TRMT6: variants seen among roughly 807,000 people sequenced by gnomAD.
TRMT6 encodes the protein tRNA (adenine(58)-N(1))-methyltransferase non-catalytic subunit TRM6.
TRMT6 carries 34 observed loss-of-function variants against 59.0 expected under a neutral mutation model. The ratio of observed to expected loss-of-function variants is 0.58; its 90% CI spans 0.44 to 0.77. The LOEUF (loss-of-function observed/expected upper bound fraction) is 0.77. Ranked by LOEUF, TRMT6 falls within the 30% of genes least tolerant of loss-of-function variation. The pLI, the probability that TRMT6 is intolerant of heterozygous loss-of-function variation, is 0.00. For synonymous variants in TRMT6, 217 were observed against 210.5 expected (o/e 1.03, Z -0.27); for missense variants, 575 against 604.5 (o/e 0.95, Z 0.51).
chr20:5,945,270 T>G (rs995911666), intron 2 of TRMT6, among the ~76,000 whole-genome samples: 2 of 152,278 alleles, frequency 1.3e-5, no homozygotes, highest in African/African-American at 4.8e-5. Flanking sequence ...CTATCATTCC[T>G]GGCCTGATCT....
rs1303248160 is a variant in TRMT6, at chr20:5,942,696, C to T, written c.758G>A (p.Gly253Asp). The T allele has an allele frequency of 1.2e-6, 2 of 1,614,078 alleles. No homozygotes were observed. The highest frequency in any genetic ancestry group is 2.2e-5 in the South Asian group (2 of 91,070). Residue 253 changes from glycine (G) to aspartate (D), a missense_variant, in exon 7 of 11, where the codon GGT (glycine) becomes GAT (aspartate). Coordinates refer to ENST00000203001, the MANE Select transcript of TRMT6 (RefSeq NM_015939.5). ...TTTGTTGAGAGGGAATTCATAAAGA[C>T]CACTGAGAAAAGATTTGGGAAATCC... Reference protein sequence around the residue: ...CFGFPKSFLSGLYEFPLNKVD... With the variant: ...CFGFPKSFLSDLYEFPLNKVD...
chr20:5,946,443 A>G lies in TRMT6; in HGVS notation c.219T>C (p.Ser73=). ...CTTCCCTCTTCTTCTTGGGCTGTAG[A>G]CTTCCTCCACTGGTCACTTCAAATG... is the stretch of plus-strand genomic sequence containing the variant. ...GTAFEVTSGG[S]LQPKKKREEP... The change falls in exon 2 of 11, where the codon AGT becomes AGC. Residue 73 remains serine (S), a synonymous_variant. Transcript: ENST00000203001. The G allele has an allele frequency of 1.2e-6, 2 of 1,614,116 alleles. No homozygotes were observed. The highest frequency in any genetic ancestry group is 1.3e-5 in the African/African-American group (1 of 75,016).
rs777970557 is a variant in TRMT6, at chr20:5,946,529, C to T, written c.133G>A (p.Val45Ile). The change falls in exon 2 of 11, where the codon GTA becomes ATA. Residue 45 changes from valine (V) to isoleucine (I), a missense_variant. Transcript: ENST00000203001. ...TAGAACCACTGTTTTTCGAAAGTTA[C>T]TTTTCTAGGGAAAAAAAGTAATCAA... Reference protein sequence around the residue: ...KAVQVQRRKKVTFEKQWFYLD... With the variant: ...KAVQVQRRKKITFEKQWFYLD... 3 of 1,613,846 alleles carry T rather than the reference C, an allele frequency of 1.9e-6. No homozygotes were observed. The South Asian group carries it at 3.3e-5, about 18-fold the overall frequency.
intron 1 of TRMT6, among the ~76,000 whole-genome samples, chr20:5,947,659 C>T (rs958518127): frequency 6.6e-6 from 1 of 152,220 alleles, no homozygotes; most frequent in Admixed American, 6.5e-5. Context: ...ATGTAACAGA[C>T]ACTCAAAATA....
intron 10 of TRMT6, 85 bp downstream of exon 10, chr20:5,940,968 C>G: frequency 1.9e-6 from 2 of 1,079,562 alleles, no homozygotes; most frequent in Admixed American, 3.5e-5. Flanking sequence ...GCTGAGATAA[C>G]TCTATTTAAT....
chr20:5,942,071 G>A, intron 7 of TRMT6, 35 bp from the exon 8 acceptor site: 1 of 1,549,116 alleles, frequency 6.5e-7, no homozygotes, highest in South Asian at 1.1e-5. Context: ...AATGTACTGG[G>A]GTCTTTCAGT....
chr20:5,938,411 G>T lies in TRMT6; in HGVS notation c.*124C>A. 3 of 1,059,536 alleles carry T rather than the reference G, an allele frequency of 2.8e-6. No individual in the cohort carries two copies. In the Admixed American group the frequency reaches 7.0e-5, roughly 25 times the overall value. 65.6% of individuals were successfully genotyped at this position (1,059,536 alleles called of 1,614,324 possible). A position where few individuals can be genotyped will look rare whatever the true frequency, so the allele number is the denominator to read the frequency against. On this transcript the variant is annotated 3_prime_UTR_variant, in exon 11 of 11. Transcript: ENST00000203001. ...AAAAGGCATATACTCCTCCTTCCTA[G>T]AAACGGGTACATAGACATGTTCTTA...
chr20:5,950,135 CGAG>C, intron 1 of TRMT6, 140 bp downstream of exon 1: 1 of 833,964 alleles, frequency 1.2e-6, no homozygotes, highest in Non-Finnish European at 1.8e-6. Flanking sequence ...CAGAAAGACC[CGAG>C]GAGACAACGA....
At chr20:5,943,884 A>C in intron 5 of TRMT6, 64 bp downstream of exon 5, 1 of 1,568,438 alleles carries the variant, frequency 6.4e-7, no homozygotes, top group Non-Finnish European at 8.6e-7. Context: ...ATTTTACTTA[A>C]AATCATGACT....
intron 1 of TRMT6, 142 bp from the exon 2 acceptor site, chr20:5,946,675 C>G (rs967327743): frequency 2.7e-6 from 2 of 750,120 alleles, no homozygotes; most frequent in African/African-American, 3.6e-5. Flanking sequence ...AACAAAGGAA[C>G]TAGAGAGAAC....
In TRMT6 at chr20:5,950,486, A is replaced by T; in HGVS notation, c.-81T>A. On this transcript the variant is annotated 5_prime_UTR_variant, in exon 1 of 11. It adds an upstream start codon to the 5' untranslated region. Coordinates refer to ENST00000203001, the MANE Select transcript of TRMT6 (RefSeq NM_015939.5). ...GCCACCGCCAGCCTCACTTCCCACAACCTGGCGCACTAGGAGCCCTCCGAC... is the reference window on the plus strand; with the variant it reads ...GCCACCGCCAGCCTCACTTCCCACATCCTGGCGCACTAGGAGCCCTCCGAC... The T allele has an allele frequency of 6.9e-7, 1 of 1,443,154 alleles. No homozygotes were observed. Among genetic ancestry groups the T allele is most frequent in the Admixed American group, 2.3e-5 (1 of 43,264 alleles). 89.4% of individuals were successfully genotyped at this position (1,443,154 alleles called of 1,614,324 possible). A position where few individuals can be genotyped will look rare whatever the true frequency, so the allele number is the denominator to read the frequency against.
intron 1 of TRMT6, among the ~76,000 whole-genome samples, chr20:5,948,858 A>G (rs2088734529): frequency 6.6e-6 from 1 of 152,048 alleles, no homozygotes; most frequent in African/African-American, 2.4e-5. Flanking sequence ...TGCTCTGGAG[A>G]CTTGTTTCTT....
chr20:5,939,038 A>C (rs2088633723), intron 10 of TRMT6, among the ~76,000 whole-genome samples: 1 of 151,972 alleles, frequency 6.6e-6, no homozygotes, highest in African/African-American at 2.4e-5. Flanking sequence ...CCTGGCCTCA[A>C]GTGAACCTCC....
Position 5,938,352 on chromosome 20 carries a change from T to C in TRMT6, c.*183A>G. 1 of 614,332 alleles carries C rather than the reference T, an allele frequency of 1.6e-6. No homozygotes were observed. The highest frequency in any genetic ancestry group is 2.7e-6 in the Non-Finnish European group (1 of 365,874). The allele number at this position is 614,332 out of a possible 1,614,324, so 38.1% of individuals were successfully genotyped here. A position where few individuals can be genotyped will look rare whatever the true frequency, so the allele number is the denominator to read the frequency against. On this transcript the variant is annotated 3_prime_UTR_variant, in exon 11 of 11. Transcript: ENST00000203001. ...ACTACATACCCCATGGTTGCAGTTTTGACAGACCAAATGCATCTGTGTCAG... is the reference window on the plus strand; with the variant it reads ...ACTACATACCCCATGGTTGCAGTTTCGACAGACCAAATGCATCTGTGTCAG...
rs2088777862 is a variant in TRMT6 at position 5,950,286 on chromosome 20, C to T, written c.120G>A (p.Gln40=). 1 of 1,607,320 alleles carries T rather than the reference C, an allele frequency of 6.2e-7. No individual in the cohort carries two copies. Among genetic ancestry groups the T allele is most frequent in the African/African-American group, 1.3e-5 (1 of 74,788 alleles). The part of the protein sequence containing the change: ...REDVFKAVQV[Q]RRKKVTFEKQ... ...TCAGCGATCTGACTTACTTTCTCCGCTGGACTTGTACTGCTTTAAACACAT... is the reference window on the plus strand; with the variant it reads ...TCAGCGATCTGACTTACTTTCTCCGTTGGACTTGTACTGCTTTAAACACAT... The change falls in exon 1 of 11, where the codon CAG becomes CAA. Residue 40 remains glutamine (Q), a synonymous_variant. Transcript: ENST00000203001.
rs967453676 is a variant in TRMT6, at chr20:5,941,225, A to C, written c.1215+18T>G. On this transcript the variant is annotated intron_variant, in intron 9 of 10. Transcript: ENST00000203001. ...CATTCAGACATAAGAATTCCTGCCC[A>C]TTCCATTCCAGTATTACCTCTTTGT... 15 of 1,610,896 alleles carry C rather than the reference A, an allele frequency of 9.3e-6. No individual in the cohort carries two copies. Among genetic ancestry groups the C allele is most frequent in the Non-Finnish European group, 1.2e-5 (14 of 1,176,996 alleles).
In TRMT6 at chr20:5,942,728, T is replaced by A. The variant is rs748601597; in HGVS notation, c.726A>T (p.Ala242=). 11 of 1,614,058 alleles carry A rather than the reference T, an allele frequency of 6.8e-6. No individual in the cohort carries two copies. The highest frequency in any genetic ancestry group is 6.6e-5 in the South Asian group (6 of 91,054). The part of the protein sequence containing the change: ...PGGGPVRAAT[A]CFGFPKSFLS... ...GAAAAGATTTGGGAAATCCAAAACATGCTGTTGCTGCCCGAACAGGTCCTC... is the reference window on the plus strand; with the variant it reads ...GAAAAGATTTGGGAAATCCAAAACAAGCTGTTGCTGCCCGAACAGGTCCTC... The change falls in exon 7 of 11, where the codon GCA becomes GCT. Residue 242 remains alanine (A), a synonymous_variant. Transcript: ENST00000203001.
intron 10 of TRMT6, among the ~76,000 whole-genome samples, chr20:5,939,013 C>A (rs2088633424): frequency 6.6e-6 from 1 of 151,670 alleles, no homozygotes; most frequent in South Asian, 2.1e-4. Flanking sequence ...TTTTGGCTCA[C>A]TGTAACCTCG....
rs187405855 is a variant in TRMT6 at position 5,941,270 on chromosome 20, C to T, written c.1188G>A (p.Pro396=). The stretch of plus-strand genomic sequence containing the variant: ...CTTTGTACTGACAGTAGACCACAAA[C>T]GGCCTTGAAGGGGCCACAAAGTCCA... ...SLLDFVAPSR[P]FVVYCQYKEP... Residue 396 remains proline, a synonymous_variant, in exon 9 of 11, where the codon CCG becomes CCA. Coordinates refer to ENST00000203001, the MANE Select transcript of TRMT6 (RefSeq NM_015939.5). 2.8e-5 allele frequency: 45 copies of T among 1,614,116 alleles called. No individual in the cohort carries two copies. Among genetic ancestry groups the T allele is most frequent in the African/African-American group, 5.3e-5 (4 of 75,042 alleles).
Sources: allele counts gnomAD v4.1 joint callset (sites outside exome capture counted in the v4.1 genomes callset), GRCh38; gene constraint gnomAD v4.1.1; transcripts MANE v1.5; gene names NCBI Gene and HGNC (gene_info 2026-07-23, HGNC 2026-07-21).